NAALADL2: variants seen among roughly 807,000 people sequenced by gnomAD.
NAALADL2 encodes the protein N-acetylated alpha-linked acidic dipeptidase like 2, also known as inactive N-acetylated-alpha-linked acidic dipeptidase-like protein 2.
Under a neutral mutation model 87.2 loss-of-function variants are expected in NAALADL2, and 76 were observed. The ratio of observed to expected loss-of-function variants is 0.87; its 90% CI spans 0.72 to 1.05. The LOEUF is 1.05. Ranked by LOEUF, NAALADL2 falls within the 50% of genes least tolerant of loss-of-function variation. The pLI is 0.00. For missense variants in NAALADL2, 1,089 were observed against 945.8 expected (o/e 1.15, Z -1.99); for synonymous variants, 354 against 331.0 (o/e 1.07, Z -0.75).
At chr3:174,961,110 A>C (rs1741926882) in intron 1 of NAALADL2, among the ~76,000 whole-genome samples, 1 of 148,006 alleles carries the variant, frequency 6.8e-6, no homozygotes, top group African/African-American at 2.5e-5. Flanking sequence ...TATATAACAT[A>C]ATGATATATA....
At chr3:174,786,234 A>G (rs111768043) in intron 3 of NAALADL2, among the ~76,000 whole-genome samples, 18,788 of 152,060 alleles carry the variant, frequency 0.12, 1,357 homozygotes, top group Non-Finnish European at 0.15. Flanking sequence ...GCAGATCATG[A>G]GGTCAGGTGA....
chr3:175,061,039 T>C (rs1713362715), intron 1 of NAALADL2, among the ~76,000 whole-genome samples: 2 of 151,986 alleles, frequency 1.3e-5, no homozygotes, highest in Admixed American at 6.6e-5. Context: ...AGAGCGAAAC[T>C]CCGTCTCAAA....
At chr3:175,097,408 T>C (rs1721348390) in intron 2 of NAALADL2, 117 bp downstream of exon 2, 7 of 891,658 alleles carry the variant, frequency 7.9e-6, no homozygotes, top group Non-Finnish European at 1.2e-5. Flanking sequence ...CTGAGAAACA[T>C]ATCACCACAA....
At chr3:174,680,932 G>A (rs1036009750) in intron 2 of NAALADL2, among the ~76,000 whole-genome samples, 1 of 152,192 alleles carries the variant, frequency 6.6e-6, no homozygotes, top group African/African-American at 2.4e-5. Flanking sequence ...ATACACTGAA[G>A]AGGGTGGGAA....
chr3:174,662,002 G>C (rs1725549593), intron 2 of NAALADL2, among the ~76,000 whole-genome samples: 1 of 152,112 alleles, frequency 6.6e-6, no homozygotes, highest in African/African-American at 2.4e-5. Context: ...AAGTAATGAA[G>C]ACATAGTGAT....
intron 1 of NAALADL2, among the ~76,000 whole-genome samples, chr3:174,505,156 T>C (rs1035793519): frequency 6.6e-6 from 1 of 152,178 alleles, no homozygotes. Context: ...CCTAATATTA[T>C]GAAATGAGGG....
At chr3:175,213,114 C>T (rs534040149) in intron 2 of NAALADL2, among the ~76,000 whole-genome samples, 6 of 152,234 alleles carry the variant, frequency 3.9e-5, no homozygotes, top group South Asian at 2.1e-4. Context: ...AACAGCAACT[C>T]GGTGAAGTAT....
chr3:174,671,632 A>G (rs1045869548), intron 2 of NAALADL2, among the ~76,000 whole-genome samples: 12 of 152,106 alleles, frequency 7.9e-5, no homozygotes, highest in African/African-American at 2.7e-4. Flanking sequence ...TATCCGGGAA[A>G]AATCCATTGA....
chr3:174,805,165 G>T (rs567475157), intron 3 of NAALADL2, among the ~76,000 whole-genome samples: 13 of 152,200 alleles, frequency 8.5e-5, no homozygotes. Context: ...CTTTTATGCT[G>T]TCAAAATTGG....
intron 2 of NAALADL2, among the ~76,000 whole-genome samples, chr3:175,120,875 A>G (rs1013094798): frequency 6.6e-6 from 1 of 151,846 alleles, no homozygotes; most frequent in African/African-American, 2.4e-5. Flanking sequence ...CAAATAGAAC[A>G]AGACTAATTT....
intron 1 of NAALADL2, among the ~76,000 whole-genome samples, chr3:174,962,379 T>TATATATATATATGTCATAGTCACTATGAC (rs1560417074): frequency 4.9e-5 from 5 of 102,614 alleles, no homozygotes; most frequent in African/African-American, 1.6e-4. Flanking sequence ...GACATATATA[T>TATATATATATATGTCATAGTCACTATGAC]ATATATATAT....
chr3:174,921,528 G>A (rs901539225), intron 1 of NAALADL2, among the ~76,000 whole-genome samples: 7 of 152,020 alleles, frequency 4.6e-5, no homozygotes, highest in South Asian at 2.1e-4. Context: ...AGGGCCTGGC[G>A]CGGTGGCTCA....
intron 10 of NAALADL2, among the ~76,000 whole-genome samples, chr3:175,611,243 T>A (rs1724607543): frequency 6.6e-6 from 1 of 152,076 alleles, no homozygotes; most frequent in Non-Finnish European, 1.5e-5. Context: ...CAAAGGCAAA[T>A]AATAATTTCA....
chr3:175,170,765 A>G (rs1442981977), intron 2 of NAALADL2, among the ~76,000 whole-genome samples: 2 of 151,588 alleles, frequency 1.3e-5, no homozygotes, highest in Non-Finnish European at 1.5e-5. Context: ...CATAACCCTT[A>G]ACGTGATGTT....
intron 2 of NAALADL2, among the ~76,000 whole-genome samples, chr3:174,562,812 T>C (rs1190477611): frequency 2.0e-5 from 3 of 152,024 alleles, no homozygotes; most frequent in Admixed American, 2.0e-4. Context: ...TATGTAAACA[T>C]TATATTTAGT....
chr3:175,031,606 A>G (rs1475394149), intron 1 of NAALADL2, among the ~76,000 whole-genome samples: 2 of 152,036 alleles, frequency 1.3e-5, no homozygotes, highest in Non-Finnish European at 2.9e-5. Context: ...TTTTGGTAGA[A>G]CGATTTATTT....
At chr3:174,721,978 A>G (rs1014558798) in intron 2 of NAALADL2, among the ~76,000 whole-genome samples, 1 of 152,212 alleles carries the variant, frequency 6.6e-6, no homozygotes, top group East Asian at 1.9e-4. Flanking sequence ...TTCATCAACA[A>G]TCCTGAAAAA....
At chr3:174,459,257 G>A (rs1455165152) in intron 1 of NAALADL2, 4 of 152,086 alleles carry the variant, frequency 2.6e-5, no homozygotes, top group African/African-American at 9.7e-5. Context: ...GAAATCTGAT[G>A]GTGTAGGAAA....
At chr3:175,623,100 T>C (rs1726457288) in intron 10 of NAALADL2, among the ~76,000 whole-genome samples, 1 of 152,076 alleles carries the variant, frequency 6.6e-6, no homozygotes, top group Non-Finnish European at 1.5e-5. Context: ...TTTAGGATAA[T>C]AGAAATGTCC....
Sources: gnomAD v4.1 joint callset for allele counts (sites outside exome capture counted in the v4.1 genomes callset) on GRCh38, gnomAD v4.1.1 for gene constraint, MANE v1.5 for transcripts, NCBI Gene and HGNC (gene_info 2026-07-23, HGNC 2026-07-21) for gene names.